The following KRT33B variants were observed in gnomAD, a reference collection of about 807,000 sequenced individuals.
The protein encoded by KRT33B is keratin 33B.
KRT33B carries 37 observed loss-of-function variants against 42.7 expected under a neutral mutation model. The ratio of observed to expected loss-of-function variants is 0.87; its 90% CI spans 0.67 to 1.14. The LOEUF (loss-of-function observed/expected upper bound fraction) is 1.14, where lower values mean the gene tolerates loss of function less well. KRT33B is among the 50% of genes most tolerant of loss of function. The pLI is 0.00. For missense variants in KRT33B, 523 were observed against 515.1 expected, an observed-to-expected ratio of 1.02 and a Z score of -0.15; for synonymous variants, 237 against 221.2, an observed-to-expected ratio of 1.07 and a Z score of -0.63.
rs929262023 is a variant in KRT33B at position 41,363,787 on chromosome 17, C to T, written c.*49G>A. On this transcript the variant is annotated 3_prime_UTR_variant, in exon 7 of 7. Coordinates refer to ENST00000251646, the MANE Select transcript of KRT33B (RefSeq NM_002279.5). ...TTGTCAGAGAGGCAGAACTGGCCCA[C>T]CGATGGTAGTTCTGTCTTCATGCTA... is the stretch of plus-strand genomic sequence containing the variant. 3.9e-6 allele frequency: 5 copies of T among 1,283,384 alleles called. No homozygotes were observed. The highest frequency in any genetic ancestry group is 5.6e-6 in the Non-Finnish European group (5 of 897,654). The allele number at this position is 1,283,384 out of a possible 1,614,324, so 79.5% of individuals were successfully genotyped here.
chr17:41,369,782 A>C lies in KRT33B; in HGVS notation c.-32T>G. 4 of 1,594,436 alleles carry C rather than the reference A, an allele frequency of 2.5e-6. No individual in the cohort carries two copies. The highest frequency in any genetic ancestry group is 3.4e-6 in the Non-Finnish European group (4 of 1,168,862). ...GGGAGGCAGTGGAGCTCTGGAAGTCAGTTTCAAAACCTGATTCCTTTTCCC... is the reference window on the plus strand; with the variant it reads ...GGGAGGCAGTGGAGCTCTGGAAGTCCGTTTCAAAACCTGATTCCTTTTCCC... On this transcript the variant is annotated 5_prime_UTR_variant, in exon 1 of 7. Transcript: ENST00000251646.
chr17:41,363,608 C>T lies in KRT33B; in HGVS notation c.*228G>A, dbSNP rs2017649874. On this transcript the variant is annotated 3_prime_UTR_variant, in exon 7 of 7. Transcript: ENST00000251646. The stretch of plus-strand genomic sequence containing the variant: ...CCACTGTCACAGCTCCAACCTCTGA[C>T]CATCAGAACTCAGACTGACTACAGG... The T allele has an allele frequency of 5.0e-6, 2 of 401,464 alleles. No individual in the cohort carries two copies. The highest frequency in any genetic ancestry group is 8.8e-6 in the Non-Finnish European group (2 of 227,048). The allele number at this position is 401,464 out of a possible 1,614,324, so 24.9% of individuals were successfully genotyped here.
Position 41,365,588 on chromosome 17 carries a change from A to G in KRT33B, c.589-35T>C. ...AAAAGGGAAGAAATAAACCCACAGA[A>G]AGAAGTCTTTCAATAACTTCTTTGA... On this transcript the variant is annotated intron_variant, in intron 3 of 6. Coordinates refer to ENST00000251646, the MANE Select transcript of KRT33B (RefSeq NM_002279.5). The G allele has an allele frequency of 2.5e-6, 4 of 1,598,606 alleles. No homozygotes were observed. In the East Asian group the frequency reaches 8.9e-5, roughly 36 times the overall value.
chr17:41,364,670 G>C (rs548188524), intron 6 of KRT33B, 109 bp downstream of exon 6: 458 of 1,388,494 alleles, frequency 3.3e-4, no homozygotes, highest in Admixed American at 6.3e-4. Flanking sequence ...TAAAACTCTC[G>C]CCTCTACAGA....
At chr17:41,369,337 C>A in intron 1 of KRT33B, 66 bp downstream of exon 1, 1 of 1,577,118 alleles carries the variant, frequency 6.3e-7, no homozygotes, top group Non-Finnish European at 8.6e-7. Flanking sequence ...GATCCATTCA[C>A]AGTTTAGTAT....
At position 41,366,558 on chromosome 17, in the gene KRT33B, T is replaced by C; in HGVS notation, c.500A>G (p.Asp167Gly). Residue 167 changes from aspartate to glycine, a missense_variant, in exon 3 of 7, where the codon GAT becomes GGT. Coordinates refer to ENST00000251646, the MANE Select transcript of KRT33B (RefSeq NM_002279.5). ...SDINSLRRILDELTLCRSDLE... is the reference protein window; with the variant it reads ...SDINSLRRILGELTLCRSDLE... ...GTCAGACCTGCACAGGGTCAGCTCATCCAGAATCCTGCGCAGGCTGTTGAT... is the reference window on the plus strand; with the variant it reads ...GTCAGACCTGCACAGGGTCAGCTCACCCAGAATCCTGCGCAGGCTGTTGAT... 6.2e-7 allele frequency: 1 copy of C among 1,612,372 alleles called. No individual in the cohort carries two copies. The highest frequency in any genetic ancestry group is 8.5e-7 in the Non-Finnish European group (1 of 1,179,960).
Position 41,363,770 on chromosome 17 carries a change from G to A in KRT33B, c.*66C>T, listed in dbSNP as rs1161795320. On this transcript the variant is annotated 3_prime_UTR_variant, in exon 7 of 7. Coordinates refer to ENST00000251646, the MANE Select transcript of KRT33B (RefSeq NM_002279.5). Reference sequence around the variant, plus strand: ...GGTCCGGTGGCTGATGGTTGTCAGAGAGGCAGAACTGGCCCACCGATGGTA... The same window carrying A: ...GGTCCGGTGGCTGATGGTTGTCAGAAAGGCAGAACTGGCCCACCGATGGTA... 1.9e-6 allele frequency: 2 copies of A among 1,077,604 alleles called. No individual in the cohort carries two copies. Among genetic ancestry groups the A allele is most frequent in the East Asian group, 2.4e-5 (1 of 41,196 alleles). The allele number at this position is 1,077,604 out of a possible 1,614,324, so 66.8% of individuals were successfully genotyped here.
rs536281021 is a variant in KRT33B, at chr17:41,363,814, A to T, written c.*22T>A. 11 of 1,508,956 alleles carry T rather than the reference A, an allele frequency of 7.3e-6. No individual in the cohort carries two copies. In the African/African-American group the frequency reaches 1.4e-4, roughly 20 times the overall value. The allele number at this position is 1,508,956 out of a possible 1,614,324, so 93.5% of individuals were successfully genotyped here. ...GATGGTAGTTCTGTCTTCATGCTAT[A>T]CTTCTGCTGGCCCCAGGGTATCTAG... On this transcript the variant is annotated 3_prime_UTR_variant, in exon 7 of 7. Transcript: ENST00000251646.
intron 1 of KRT33B, 74 bp from the exon 2 acceptor site, chr17:41,368,064 T>C (rs2017723904): frequency 9.0e-5 from 128 of 1,416,858 alleles, no homozygotes; most frequent in Non-Finnish European, 1.3e-4. Context: ...TGCTATTTTC[T>C]TTCAGCCACA....
chr17:41,365,744 C>T (rs941719957), intron 3 of KRT33B, among the ~76,000 whole-genome samples, 191 bp from the exon 4 acceptor site: 3 of 151,308 alleles, frequency 2.0e-5, no homozygotes, highest in Non-Finnish European at 4.4e-5. Context: ...ACGGCTGCTT[C>T]ATTAAATGAT....
Position 41,367,901 on chromosome 17 carries a change from A to T in KRT33B, c.431+7T>A, listed in dbSNP as rs781627277. On this transcript the variant is annotated splice_region_variant and intron_variant, in intron 2 of 6. Coordinates refer to ENST00000251646, the MANE Select transcript of KRT33B (RefSeq NM_002279.5). Reference sequence around the variant, plus strand: ...CTAGACTGCTCTGATGGTTAGGAAAATCTTACTTGGTTCTGAAGTCATCTG... The same window carrying T: ...CTAGACTGCTCTGATGGTTAGGAAATTCTTACTTGGTTCTGAAGTCATCTG... The T allele has an allele frequency of 2.5e-6, 4 of 1,612,292 alleles. No homozygotes were observed. Among genetic ancestry groups the T allele is most frequent in the South Asian group, 1.1e-5 (1 of 91,064 alleles).
At chr17:41,366,309 G>A (rs558002979) in intron 3 of KRT33B, among the ~76,000 whole-genome samples, 161 bp downstream of exon 3, 4 of 151,470 alleles carry the variant, frequency 2.6e-5, no homozygotes, top group South Asian at 2.1e-4. Flanking sequence ...TGTAAAAAAG[G>A]TAAGCTGTCA....
chr17:41,369,717 A>T lies in KRT33B; in HGVS notation c.34T>A (p.Cys12Ser). The change falls in exon 1 of 7, where the codon TGC (cysteine) becomes AGC (serine). Residue 12 changes from cysteine to serine, a missense_variant. Coordinates refer to ENST00000251646, the MANE Select transcript of KRT33B (RefSeq NM_002279.5). ...PYNFCLPSLSCRTSCSSRPCV... is the reference protein window; with the variant it reads ...PYNFCLPSLSSRTSCSSRPCV... ...GGCCGGGAGGAGCAGCTGGTGCGGC[A>T]GCTCAGGCTGGGCAGGCAGAAGTTG... 1 of 1,613,864 alleles carries T rather than the reference A, an allele frequency of 6.2e-7. No homozygotes were observed. Among genetic ancestry groups the T allele is most frequent in the South Asian group, 1.1e-5 (1 of 91,052 alleles).
chr17:41,363,768 G>A lies in KRT33B; in HGVS notation c.*68C>T. ...GGGGTCCGGTGGCTGATGGTTGTCAGAGAGGCAGAACTGGCCCACCGATGG... is the reference window on the plus strand; with the variant it reads ...GGGGTCCGGTGGCTGATGGTTGTCAAAGAGGCAGAACTGGCCCACCGATGG... On this transcript the variant is annotated 3_prime_UTR_variant, in exon 7 of 7. Transcript: ENST00000251646. 3 of 1,068,062 alleles carry A rather than the reference G, an allele frequency of 2.8e-6. No homozygotes were observed. The South Asian group carries it at 4.4e-5, about 16-fold the overall frequency. 66.2% of individuals were successfully genotyped at this position (1,068,062 alleles called of 1,614,324 possible).
rs2017707959 is a variant in KRT33B at position 41,366,839 on chromosome 17, A to G, written c.432-213T>C. 1.3e-5 allele frequency among the ~76,000 whole-genome samples: 2 copies of G among 151,408 alleles called. 1 individual carries two copies. Among genetic ancestry groups the G allele is most frequent in the African/African-American group, 4.9e-5 (2 of 40,668 alleles). On this transcript the variant is annotated intron_variant, in intron 2 of 6. Transcript: ENST00000251646. The stretch of plus-strand genomic sequence containing the variant: ...TTGGTGGAATGCCTGTGGATAGTTT[A>G]GTCTAACACAAACTAAGTTTGTTCT...
chr17:41,364,030 G>A, intron 6 of KRT33B, 77 bp from the exon 7 acceptor site: 1 of 998,782 alleles, frequency 1.0e-6, no homozygotes, highest in South Asian at 1.5e-5. Flanking sequence ...AAGAGACACA[G>A]AAACAAGCAG....
chr17:41,367,995 G>T lies in KRT33B; in HGVS notation c.349-5C>A. On this transcript the variant is annotated splice_polypyrimidine_tract_variant and splice_region_variant and intron_variant, in intron 1 of 6. Transcript: ENST00000251646. ...CTCAGACTTGCTGCACAGGATCTGG[G>T]GATAGGATTAATCATGAAATGGGTT... 6.2e-7 allele frequency: 1 copy of T among 1,612,652 alleles called. No homozygotes were observed. Among genetic ancestry groups the T allele is most frequent in the Non-Finnish European group, 8.5e-7 (1 of 1,179,838 alleles).
rs755574312 is a variant in KRT33B at position 41,369,586 on chromosome 17, G to A, written c.165C>T (p.Ser55=). ...NWFCEGSFNG[S]EKETMQFLND... is the part of the protein sequence containing the mutation. ...TCAGGAACTGCATAGTCTCCTTCTC[G>A]CTGCCATTGAAGGAGCCCTCGCAGA... The change falls in exon 1 of 7, where the codon AGC becomes AGT. Residue 55 remains serine, a synonymous_variant. Transcript: ENST00000251646. 1.4e-5 allele frequency: 22 copies of A among 1,613,524 alleles called. No individual in the cohort carries two copies. The highest frequency in any genetic ancestry group is 1.3e-4 in the African/African-American group (10 of 74,932).
At position 41,365,090 on chromosome 17, in the gene KRT33B, A is replaced by G. The variant is rs937416150; in HGVS notation, c.876+85T>C. On this transcript the variant is annotated intron_variant, in intron 5 of 6. Coordinates refer to ENST00000251646, the MANE Select transcript of KRT33B (RefSeq NM_002279.5). Reference sequence around the variant, plus strand: ...AAAAACTCACAAGCTCCAAGAGCTAAGAAGAGTGTGTGGCCCCAAGGGCAT... The same window carrying G: ...AAAAACTCACAAGCTCCAAGAGCTAGGAAGAGTGTGTGGCCCCAAGGGCAT... 10 of 1,609,550 alleles carry G rather than the reference A, an allele frequency of 6.2e-6. No individual in the cohort carries two copies. In the African/African-American group the frequency reaches 1.4e-4, roughly 22 times the overall value.
Sources: allele counts gnomAD v4.1 joint callset (sites outside exome capture counted in the v4.1 genomes callset), GRCh38; gene constraint gnomAD v4.1.1; transcripts MANE v1.5; gene names NCBI Gene and HGNC (gene_info 2026-07-23, HGNC 2026-07-21).